The following DIP2A variants were observed in gnomAD, a reference collection of about 807,000 sequenced individuals.
DIP2A encodes disco-interacting protein 2 homolog A.
Under a neutral mutation model 177.4 loss-of-function variants are expected in DIP2A, and 85 were observed. The observed-to-expected ratio is 0.48, with a 90% CI of 0.40 to 0.57. DIP2A has a LOEUF of 0.57. DIP2A is among the 20% of genes least tolerant of loss of function. The pLI is 0.00. For missense variants in DIP2A, 1,791 were observed against 2,100.2 expected (o/e 0.85, Z 2.88); for synonymous variants, 886 against 881.8 (o/e 1.00, Z -0.08).
chr21:46,470,079 T>C (rs2148311409), intron 1 of DIP2A, among the ~76,000 whole-genome samples: 2 of 152,370 alleles, frequency 1.3e-5, no homozygotes, highest in Middle Eastern at 6.8e-3. Context: ...GGCTCACGCC[T>C]GTAATTCCAG....
chr21:46,505,629 T>C (rs1186506467), intron 6 of DIP2A, among the ~76,000 whole-genome samples: 1 of 152,108 alleles, frequency 6.6e-6, no homozygotes, highest in Non-Finnish European at 1.5e-5. Context: ...AAGACATTTG[T>C]ACAGCTGTGG....
rs1237178934 is a variant in DIP2A, at chr21:46,533,632, G to A, written c.1414G>A (p.Val472Met). The A allele has an allele frequency of 1.2e-6, 2 of 1,613,934 alleles. No homozygotes were observed. Among genetic ancestry groups the A allele is most frequent in the African/African-American group, 1.3e-5 (1 of 74,942 alleles). Residue 472 changes from valine to methionine, a missense_variant, in exon 11 of 38, where the codon GTG becomes ATG. Transcript: ENST00000417564. ...KGLPKAQTGE[V>M]AAFKGWPPLS... is the part of the protein sequence containing the mutation. ...CCTCCCCAAGGCACAGACAGGAGAG[G>A]TGGCAGCTTTCAAAGGTGAGGCCTC...
chr21:46,576,318 T>C, the DIP2A span, among the ~76,000 whole-genome samples: 6 of 152,186 alleles, frequency 3.9e-5, no homozygotes, highest in African/African-American at 1.4e-4. Flanking sequence ...TGTTCCCCTC[T>C]GTGTGTCTAT....
the DIP2A span, among the ~76,000 whole-genome samples, chr21:46,582,513 A>T: frequency 2.6e-5 from 4 of 152,196 alleles, no homozygotes; most frequent in Non-Finnish European, 4.4e-5. Flanking sequence ...ATGGTTTTCC[A>T]GGCAGGTAGC....
Position 46,551,868 on chromosome 21 carries a change from T to G in DIP2A, c.2994T>G (p.Thr998=), listed in dbSNP as rs1219767957. ...TGCTGCAGTGGCGTGCCCACACCAC[T>G]CCTGACCACCCGCTGTTCTTGCTGC... The part of the protein sequence containing the change: ...ADVLQWRAHT[T]PDHPLFLLLN... Residue 998 remains threonine, a synonymous_variant, in exon 25 of 38, where the codon ACT becomes ACG. Coordinates refer to ENST00000417564, the MANE Select transcript of DIP2A (RefSeq NM_015151.4). 6.2e-7 allele frequency: 1 copy of G among 1,610,894 alleles called. No homozygotes were observed. The highest frequency in any genetic ancestry group is 8.5e-7 in the Non-Finnish European group (1 of 1,178,816).
chr21:46,500,106 T>C (rs2057570547), intron 5 of DIP2A, among the ~76,000 whole-genome samples: 1 of 152,178 alleles, frequency 6.6e-6, no homozygotes, highest in South Asian at 2.1e-4. Flanking sequence ...CTCTGTAGTG[T>C]GCATCACTGT....
intron 1 of DIP2A, among the ~76,000 whole-genome samples, chr21:46,474,081 A>G (rs935067077): frequency 6.6e-6 from 1 of 152,122 alleles, no homozygotes; most frequent in Non-Finnish European, 1.5e-5. Flanking sequence ...GTCTGGACAG[A>G]GCTGAGCCAA....
chr21:46,582,347 C>G, the DIP2A span, among the ~76,000 whole-genome samples: 1 of 152,164 alleles, frequency 6.6e-6, no homozygotes, highest in Non-Finnish European at 1.5e-5. Flanking sequence ...GCCCCTCCCC[C>G]TAGGTACTCA....
At chr21:46,476,211 C>G (rs1184511763) in intron 1 of DIP2A, among the ~76,000 whole-genome samples, 1 of 151,362 alleles carries the variant, frequency 6.6e-6, no homozygotes, top group African/African-American at 2.4e-5. Context: ...CCACTGCACT[C>G]CAGCCTAGGG....
chr21:46,556,966 T>G lies in DIP2A; in HGVS notation c.3526T>G (p.Cys1176Gly). 3 of 1,593,976 alleles carry G rather than the reference T, an allele frequency of 1.9e-6. No homozygotes were observed. The highest frequency in any genetic ancestry group is 2.6e-6 in the Non-Finnish European group (3 of 1,169,496). ...GTCGCACGCGGCCACAAGCGCCTTA[T>G]GCCGCTCCATAAAGCTGCAGTGTGA... The part of the protein sequence containing the change: ...KMSHAATSAL[C>G]RSIKLQCELY... Residue 1176 changes from cysteine (C) to glycine (G), a missense_variant, in exon 30 of 38, where the codon TGC becomes GGC. Coordinates refer to ENST00000417564, the MANE Select transcript of DIP2A (RefSeq NM_015151.4). The surrounding 1 kb of genome is among the most constrained non-coding windows in gnomAD (Gnocchi z 4.5).
rs2058303429 is a variant in DIP2A, at chr21:46,511,363, A to G, written c.905-54A>G. On this transcript the variant is annotated intron_variant, in intron 7 of 37. Coordinates refer to ENST00000417564, the MANE Select transcript of DIP2A (RefSeq NM_015151.4). ...TAAACTATGAATGCTTAAAAACAGA[A>G]TGTGTTCGTGGTGCTCTGAATTGCT... The G allele has an allele frequency of 2.7e-6, 4 of 1,499,224 alleles. No individual in the cohort carries two copies. The Admixed American group carries it at 6.3e-5, about 24-fold the overall frequency. The allele number at this position is 1,499,224 out of a possible 1,614,324, so 92.9% of individuals were successfully genotyped here.
In DIP2A at chr21:46,475,153, G is replaced by A. The variant is rs1176472469; in HGVS notation, c.92-9604G>A. ...TGAAAGGTTGGAAAAACATTGAAGT[G>A]GATAATATCTAAGTTCTCCTTTCAG... On this transcript the variant is annotated intron_variant, in intron 1 of 37. Transcript: ENST00000417564. 2.6e-5 allele frequency among the ~76,000 whole-genome samples: 4 copies of A among 151,810 alleles called. No homozygotes were observed. The East Asian group carries it at 5.8e-4, about 22-fold the overall frequency.
Position 46,528,568 on chromosome 21 carries a change from T to TTTTTTTTTTTTA in DIP2A, c.1103-524_1103-523insTTTTTTTTTTTA, listed in dbSNP as rs1569043246. Among the ~76,000 whole-genome samples, 10 of 90,576 alleles carry TTTTTTTTTTTTA rather than the reference T, an allele frequency of 1.1e-4. 3 individuals carry two copies. The highest frequency in any genetic ancestry group is 9.0e-4 in the East Asian group (2 of 2,226). 59.4% of individuals were successfully genotyped at this position (90,576 alleles called of 152,430 possible). On this transcript the variant is annotated intron_variant, in intron 8 of 37. Coordinates refer to ENST00000417564, the MANE Select transcript of DIP2A (RefSeq NM_015151.4). ...TTTTTTTTTTTTTTTTTTTTTTTTT[T>TTTTTTTTTTTTA]AGATAATGTCTTTATTGCCCAGGCT...
intron 7 of DIP2A, among the ~76,000 whole-genome samples, chr21:46,511,098 G>C (rs1317136158): frequency 6.6e-6 from 1 of 152,126 alleles, no homozygotes; most frequent in African/African-American, 2.4e-5. Context: ...GGTGCCGGGG[G>C]TAGCAGAGGT....
chr21:46,529,208 T>C, intron 9 of DIP2A, 25 bp downstream of exon 9: 1 of 1,379,016 alleles, frequency 7.3e-7, no homozygotes. Flanking sequence ...TGTCACTTTG[T>C]TGGAAGGAGC....
At chr21:46,529,882 C>T (rs760353825) in intron 9 of DIP2A, among the ~76,000 whole-genome samples, 12 of 152,226 alleles carry the variant, frequency 7.9e-5, no homozygotes, top group Non-Finnish European at 1.5e-4. Context: ...TTGTACCTAT[C>T]TGCCAAAATA....
At chr21:46,527,853 TG>T (rs926312855) in intron 8 of DIP2A, among the ~76,000 whole-genome samples, 2 of 152,052 alleles carry the variant, frequency 1.3e-5, no homozygotes, top group Non-Finnish European at 2.9e-5. Flanking sequence ...CCTTCAAGTG[TG>T]GGGGGTTAGA....
At chr21:46,534,722 C>T in intron 13 of DIP2A, 35 bp downstream of exon 13, 2 of 1,551,100 alleles carry the variant, frequency 1.3e-6, no homozygotes, top group Non-Finnish European at 8.8e-7. Context: ...GTGGCCCCTC[C>T]AGCCTCACAC....
the DIP2A span, among the ~76,000 whole-genome samples, chr21:46,583,805 T>C: frequency 6.6e-6 from 1 of 152,224 alleles, no homozygotes; most frequent in Non-Finnish European, 1.5e-5. Context: ...TGCCAGATGC[T>C]GCCCCCTCAT....
Sources: gnomAD v4.1 joint callset for allele counts (sites outside exome capture counted in the v4.1 genomes callset) on GRCh38, gnomAD v4.1.1 for gene constraint, Gnocchi (gnomAD v3.1) non-coding constraint, MANE v1.5 for transcripts, NCBI Gene and HGNC (gene_info 2026-07-23, HGNC 2026-07-21) for gene names.